Variants in EPM2A observed in about 807,000 individuals in gnomAD.
The protein encoded by EPM2A is EPM2A glucan phosphatase, laforin, also known as laforin.
EPM2A carries 21 observed loss-of-function variants against 26.5 expected under a neutral mutation model. The observed-to-expected ratio is 0.79, with a 90% CI of 0.56 to 1.14. The LOEUF is 1.14. Among genes scored for constraint, EPM2A ranks in the 50% most tolerant of loss-of-function variants. The pLI is 0.00. For missense variants in EPM2A, 458 were observed against 440.8 expected (o/e 1.04, Z -0.35); for synonymous variants, 217 against 177.6 (o/e 1.22, Z -1.76).
chr6:145,668,585 C>T (rs1779409800), intron 2 of EPM2A, among the ~76,000 whole-genome samples: 1 of 151,800 alleles, frequency 6.6e-6, no homozygotes, highest in African/African-American at 2.4e-5. Flanking sequence ...AAGTAGAGAC[C>T]CTGTCTTGTG....
At chr6:145,717,988 A>G (rs945229181) in intron 1 of EPM2A, among the ~76,000 whole-genome samples, 1 of 151,400 alleles carries the variant, frequency 6.6e-6, no homozygotes, top group African/African-American at 2.4e-5. Context: ...CAAATGGAAG[A>G]ACATTCCATG....
At chr6:145,587,431 A>G (rs1447981406) in intron 2 of EPM2A, among the ~76,000 whole-genome samples, 1 of 152,200 alleles carries the variant, frequency 6.6e-6, no homozygotes, top group East Asian at 1.9e-4. Context: ...TTACTCTCAC[A>G]AACACACTTT....
chr6:145,397,646 C>G lies in EPM2A; in HGVS notation c.556-13549G>C, dbSNP rs750428789. Reference sequence around the variant, plus strand: ...AGGCCATAATCTCCAGTCTCACCAACTCCAACCTGGTGGTTACATATACTG... The same window carrying G: ...AGGCCATAATCTCCAGTCTCACCAAGTCCAACCTGGTGGTTACATATACTG... On this transcript the variant is annotated intron_variant, in intron 4 of 4. Coordinates refer to the EPM2A transcript ENST00000638717. Among the ~76,000 whole-genome samples the G allele has an allele frequency of 3.7e-4, 56 of 152,278 alleles. 1 individual carries two copies. The highest frequency in any genetic ancestry group is 7.2e-4 in the Non-Finnish European group (49 of 68,026).
Position 145,559,360 on chromosome 6 carries a change from G to A in EPM2A, c.341-56785C>T, listed in dbSNP as rs148951955. ...GGATTTGCAAAAATAAACAAATCCT[G>A]GTTCATCCTAGTTTTCACTTCTTGA... On this transcript the variant is annotated intron_variant, in intron 2 of 3. Transcript: ENST00000450221. Among the ~76,000 whole-genome samples, 232 of 152,074 alleles carry A rather than the reference G, an allele frequency of 1.5e-3. 2 individuals are homozygous for A. Among genetic ancestry groups the A allele is most frequent in the African/African-American group, 5.2e-3 (216 of 41,496 alleles).
chr6:145,705,929 A>G (rs575552505), intron 1 of EPM2A: 19 of 456,940 alleles, frequency 4.2e-5, no homozygotes, highest in Admixed American at 3.5e-4. Context: ...GCTGGGTAAC[A>G]TGGAAGAAAG....
intron 1 of EPM2A, among the ~76,000 whole-genome samples, chr6:145,689,474 G>C (rs1781137081): frequency 6.6e-6 from 1 of 152,138 alleles, no homozygotes; most frequent in Non-Finnish European, 1.5e-5. Flanking sequence ...GGGACACTGA[G>C]ACCTAAGAAA....
intron 2 of EPM2A, among the ~76,000 whole-genome samples, chr6:145,512,726 A>C (rs1202992377): frequency 6.7e-6 from 1 of 149,306 alleles, no homozygotes; most frequent in African/African-American, 2.4e-5. Flanking sequence ...AAAAAAAAAA[A>C]AAAAAAAAAA....
intron 2 of EPM2A, among the ~76,000 whole-genome samples, chr6:145,550,447 A>G (rs76833851): frequency 0.013 from 2,023 of 152,096 alleles, 16 homozygotes; most frequent in Non-Finnish European, 0.02. Context: ...CACATAATGA[A>G]TTTGTACACC....
At chr6:145,468,457 T>C (rs1582778826) in intron 4 of EPM2A, among the ~76,000 whole-genome samples, 1 of 152,240 alleles carries the variant, frequency 6.6e-6, no homozygotes. Flanking sequence ...TTCCATATTA[T>C]ATTTTATCTC....
chr6:145,421,463 G>A (rs1391770974), intron 4 of EPM2A, among the ~76,000 whole-genome samples: 1 of 151,960 alleles, frequency 6.6e-6, no homozygotes, highest in Non-Finnish European at 1.5e-5. Flanking sequence ...GTATACCTTT[G>A]TAAAGGTGAA....
intron 4 of EPM2A, among the ~76,000 whole-genome samples, chr6:145,442,546 C>T (rs531657757): frequency 1.5e-4 from 22 of 151,412 alleles, no homozygotes; most frequent in South Asian, 6.3e-4. Flanking sequence ...ACCATGAGAA[C>T]AGTATGGGGG....
chr6:145,719,187 G>A (rs1338465609), intron 1 of EPM2A, among the ~76,000 whole-genome samples: 8 of 150,800 alleles, frequency 5.3e-5, no homozygotes, highest in African/African-American at 2.0e-4. Flanking sequence ...GTTTATTGCG[G>A]CATTATTCAC....
intron 2 of EPM2A, among the ~76,000 whole-genome samples, chr6:145,524,117 TA>T (rs1239974219): frequency 1.3e-5 from 2 of 152,216 alleles, no homozygotes; most frequent in Non-Finnish European, 2.9e-5. Flanking sequence ...CAAATGATAT[TA>T]TTTTTTCATT....
At chr6:145,731,362 A>G (rs1308289631) in intron 1 of EPM2A, among the ~76,000 whole-genome samples, 1 of 152,234 alleles carries the variant, frequency 6.6e-6, no homozygotes, top group African/African-American at 2.4e-5. Context: ...AAATGAATGG[A>G]TATCCAAGGA....
downstream of EPM2A, among the ~76,000 whole-genome samples, chr6:145,497,852 G>T (rs911886818): frequency 1.3e-5 from 2 of 152,344 alleles, no homozygotes; most frequent in African/African-American, 2.4e-5. Flanking sequence ...CCTTACTGGG[G>T]TATTGCTTCT....
At chr6:145,490,115 A>C in intron 4 of EPM2A, 1 of 1,187,184 alleles carries the variant, frequency 8.4e-7, no homozygotes, top group Admixed American at 2.3e-5. Context: ...TATAATAGTC[A>C]TTGATATGTC....
chr6:145,700,276 T>C (rs79325957), intron 1 of EPM2A, among the ~76,000 whole-genome samples: 2,258 of 152,276 alleles, frequency 0.015, 61 homozygotes, highest in African/African-American at 0.051. Flanking sequence ...TTAATTATTC[T>C]AATAATCTTT....
intron 1 of EPM2A, among the ~76,000 whole-genome samples, chr6:145,725,621 T>C (rs1052980592): frequency 1.3e-5 from 2 of 151,908 alleles, no homozygotes; most frequent in South Asian, 4.1e-4. Context: ...GAAAAAAACA[T>C]AGATAGATAT....
chr6:145,536,362 C>T (rs965539041), intron 2 of EPM2A, among the ~76,000 whole-genome samples: 9 of 151,992 alleles, frequency 5.9e-5, no homozygotes, highest in African/African-American at 2.2e-4. Context: ...GGTGTGCAAT[C>T]TTGGCTAACT....
Sources: gnomAD v4.1 joint callset for allele counts (sites outside exome capture counted in the v4.1 genomes callset) on GRCh38, gnomAD v4.1.1 for gene constraint, MANE v1.5 for transcripts, NCBI Gene and HGNC (gene_info 2026-07-23, HGNC 2026-07-21) for gene names.